STARD13: variants seen among roughly 807,000 people sequenced by gnomAD.
STARD13 encodes stAR-related lipid transfer protein 13.
A neutral mutation model predicts 106.4 loss-of-function variants in STARD13; 62 were observed. That is an observed-to-expected ratio of 0.58 (90% confidence interval 0.48 to 0.72). The LOEUF (loss-of-function observed/expected upper bound fraction) is 0.72, where lower values mean the gene tolerates loss of function less well. Among genes scored for constraint, STARD13 ranks in the 30% least tolerant of loss-of-function variants. The pLI is 0.00. For missense variants in STARD13, 1,387 were observed against 1,424.0 expected (o/e 0.97, Z 0.42); for synonymous variants, 565 against 553.0 (o/e 1.02, Z -0.31).
chr13:33,652,807 G>C, the STARD13 span, among the ~76,000 whole-genome samples: 1 of 151,968 alleles, frequency 6.6e-6, no homozygotes, highest in African/African-American at 2.4e-5. Flanking sequence ...TAGATTCAAT[G>C]AGACAATGTG....
chr13:33,125,068 C>T (rs1387580023), intron 7 of STARD13, among the ~76,000 whole-genome samples: 1 of 152,222 alleles, frequency 6.6e-6, no homozygotes, highest in African/African-American at 2.4e-5. Context: ...TGCTATTTTT[C>T]TGCACTGAAA....
the STARD13 span, among the ~76,000 whole-genome samples, chr13:33,397,380 C>T: frequency 6.6e-6 from 1 of 152,286 alleles, no homozygotes; most frequent in Non-Finnish European, 1.5e-5. Context: ...CCACAATGCA[C>T]TACATGTGCC....
At chr13:33,628,867 G>C in the STARD13 span, among the ~76,000 whole-genome samples, 1 of 152,206 alleles carries the variant, frequency 6.6e-6, no homozygotes, top group East Asian at 1.9e-4. Context: ...TTCCAACCCT[G>C]AGTTTCATTC....
the STARD13 span, among the ~76,000 whole-genome samples, chr13:33,592,789 T>A: frequency 6.6e-6 from 1 of 152,066 alleles, no homozygotes; most frequent in African/African-American, 2.4e-5. Flanking sequence ...TTTAAATTGA[T>A]GTGAAAGTTT....
the STARD13 span, among the ~76,000 whole-genome samples, chr13:33,465,450 C>T: frequency 6.6e-6 from 1 of 152,144 alleles, no homozygotes; most frequent in Admixed American, 6.5e-5. Context: ...GATCCACCTG[C>T]CTCGGCCTCC....
chr13:33,496,336 T>A, the STARD13 span, among the ~76,000 whole-genome samples: 1 of 151,076 alleles, frequency 6.6e-6, no homozygotes, highest in East Asian at 1.9e-4. Flanking sequence ...TATTAAAAAA[T>A]AAAGTGTATT....
chr13:33,518,181 GT>G, the STARD13 span, among the ~76,000 whole-genome samples: 1 of 152,062 alleles, frequency 6.6e-6, no homozygotes, highest in Admixed American at 6.6e-5. Flanking sequence ...ACAGTTTCTT[GT>G]GCATTACTTG....
intron 1 of STARD13, among the ~76,000 whole-genome samples, chr13:33,302,080 CT>C (rs1247754589): frequency 6.6e-6 from 1 of 152,082 alleles, no homozygotes; most frequent in African/African-American, 2.4e-5. Flanking sequence ...CATTGTACCC[CT>C]GATAATAATT....
the STARD13 span, among the ~76,000 whole-genome samples, chr13:33,619,262 T>G: frequency 1.3e-5 from 2 of 152,206 alleles, no homozygotes; most frequent in African/African-American, 2.4e-5. Flanking sequence ...ACAGGGAAGA[T>G]TCCAAGTAGT....
chr13:33,517,906 C>G, the STARD13 span, among the ~76,000 whole-genome samples: 3 of 151,786 alleles, frequency 2.0e-5, no homozygotes, highest in Non-Finnish European at 4.4e-5. Flanking sequence ...ACCGCCTGCC[C>G]TGTCTCTGTG....
chr13:33,106,435 G>A (rs989614683), intron 13 of STARD13, among the ~76,000 whole-genome samples: 3 of 152,146 alleles, frequency 2.0e-5, no homozygotes, highest in Non-Finnish European at 4.4e-5. Context: ...AGAAACACAA[G>A]AGAGGGAAAC....
rs1186648367 is a variant in STARD13 at position 33,209,419 on chromosome 13, A to G, written c.170-41797T>C. Among the ~76,000 whole-genome samples the G allele has an allele frequency of 2.0e-5, 3 of 152,072 alleles. No homozygotes were observed. The East Asian group carries it at 5.8e-4, about 29-fold the overall frequency. ...CTTTAAGAATTATACCAGATGGCAA[A>G]GCAAAAAGCATGATGTCTGAATCTT... is the stretch of plus-strand genomic sequence containing the variant. On this transcript the variant is annotated intron_variant, in intron 1 of 13. Coordinates refer to ENST00000336934, the MANE Select transcript of STARD13 (RefSeq NM_178006.4).
Position 33,129,280 on chromosome 13 carries a change from T to C in STARD13, c.1397A>G (p.His466Arg). Residue 466 changes from histidine (H) to arginine (R), a missense_variant, in exon 5 of 14, where the codon CAT becomes CGT. Transcript: ENST00000336934. ...AAGATCTCCTGTGCTGGCATACAGATGGGAGCCAGGGACATTGTCATAGAT... is the reference window on the plus strand; with the variant it reads ...AAGATCTCCTGTGCTGGCATACAGACGGGAGCCAGGGACATTGTCATAGAT... ...VSIYDNVPGS[H>R]LYASTGDLLD... 6.2e-7 allele frequency: 1 copy of C among 1,614,170 alleles called. No homozygotes were observed. Among genetic ancestry groups the C allele is most frequent in the Non-Finnish European group, 8.5e-7 (1 of 1,180,026 alleles).
At chr13:33,394,847 A>G in the STARD13 span, among the ~76,000 whole-genome samples, 1 of 152,232 alleles carries the variant, frequency 6.6e-6, no homozygotes, top group Admixed American at 6.5e-5. Context: ...GACAGATGCA[A>G]TGGCCTGAGA....
chr13:33,649,274 A>G, the STARD13 span, among the ~76,000 whole-genome samples: 3 of 152,172 alleles, frequency 2.0e-5, no homozygotes, highest in Non-Finnish European at 2.9e-5. Flanking sequence ...GGCCCTTCAC[A>G]GTTATTGTTT....
At chr13:33,480,583 A>G in the STARD13 span, among the ~76,000 whole-genome samples, 12 of 152,296 alleles carry the variant, frequency 7.9e-5, no homozygotes, top group Non-Finnish European at 1.3e-4. Context: ...ACTACAGGAA[A>G]AGAAAAGACA....
At chr13:33,577,562 A>G in the STARD13 span, among the ~76,000 whole-genome samples, 119 of 152,288 alleles carry the variant, frequency 7.8e-4, 1 homozygote, top group South Asian at 0.023. Flanking sequence ...GAATCCAGAA[A>G]TAGACCCACA....
chr13:33,575,254 A>G, the STARD13 span, among the ~76,000 whole-genome samples: 1 of 152,074 alleles, frequency 6.6e-6, no homozygotes, highest in African/African-American at 2.4e-5. Flanking sequence ...TATGCCTCTA[A>G]TATGTAAAAA....
At chr13:33,461,205 T>G in the STARD13 span, among the ~76,000 whole-genome samples, 9 of 152,310 alleles carry the variant, frequency 5.9e-5, no homozygotes, top group African/African-American at 2.2e-4. Context: ...ACTTATCAAA[T>G]TGTACACTTT....
Sources: allele counts gnomAD v4.1 joint callset (sites outside exome capture counted in the v4.1 genomes callset), GRCh38; gene constraint gnomAD v4.1.1; transcripts MANE v1.5; gene names NCBI Gene and HGNC (gene_info 2026-07-23, HGNC 2026-07-21).